Variants in HDAC1 observed in about 807,000 individuals in gnomAD.
The protein encoded by HDAC1 is protein deacetylase HDAC1.
Under a neutral mutation model 65.5 loss-of-function variants are expected in HDAC1, and 18 were observed. The observed-to-expected ratio is 0.27, with a 90% confidence interval of 0.19 to 0.41. HDAC1 has a LOEUF of 0.41. HDAC1 is among the 10% of genes least tolerant of loss of function. The pLI, the probability that HDAC1 is intolerant of heterozygous loss-of-function variation, is 1.00. For synonymous variants in HDAC1, 211 were observed against 227.9 expected (o/e 0.93, Z 0.67); for missense variants, 373 against 625.2 (o/e 0.60, Z 4.30).
chr1:32,296,660 T>A (rs1640770905), intron 1 of HDAC1, among the ~76,000 whole-genome samples: 1 of 152,186 alleles, frequency 6.6e-6, no homozygotes. Context: ...TTTACAGGCG[T>A]GAGCCATCAT....
At chr1:32,326,911 G>A in intron 4 of HDAC1, 28 bp from the exon 5 acceptor site, 1 of 1,612,706 alleles carries the variant, frequency 6.2e-7, no homozygotes, top group Non-Finnish European at 8.5e-7. Flanking sequence ...CTTAGTAACA[G>A]GCTTATGTTC....
rs779593533 is a variant in HDAC1, at chr1:32,331,602, A to G, written c.1088+20A>G. 2 of 1,610,698 alleles carry G rather than the reference A, an allele frequency of 1.2e-6. No individual in the cohort carries two copies. The highest frequency in any genetic ancestry group is 1.7e-6 in the Non-Finnish European group (2 of 1,176,996). ...GATCAAGTGAGTATATCCTCCAGCCACCCCTTGGTTGAACATTCCTGACTT... is the reference window on the plus strand; with the variant it reads ...GATCAAGTGAGTATATCCTCCAGCCGCCCCTTGGTTGAACATTCCTGACTT... On this transcript the variant is annotated intron_variant, in intron 10 of 13. Coordinates refer to ENST00000373548, the MANE Select transcript of HDAC1 (RefSeq NM_004964.3). This position sits in a 1 kb window ranked among gnomAD's most constrained non-coding sequence, Gnocchi z 4.2.
intron 1 of HDAC1, among the ~76,000 whole-genome samples, chr1:32,296,891 T>C (rs1394792110): frequency 6.6e-6 from 1 of 152,162 alleles, no homozygotes. Flanking sequence ...GGAGCCCAGC[T>C]AGAGACACTA....
intron 2 of HDAC1, among the ~76,000 whole-genome samples, chr1:32,314,626 A>T (rs1641033893): frequency 6.6e-6 from 1 of 152,012 alleles, no homozygotes; most frequent in African/African-American, 2.4e-5. Flanking sequence ...GGAGATCGAG[A>T]CCATCCTGGC....
Position 32,331,934 on chromosome 1 carries a change from C to T in HDAC1, c.1219+128C>T. The T allele has an allele frequency of 7.1e-7, 1 of 1,409,654 alleles. No individual in the cohort carries two copies. The highest frequency in any genetic ancestry group is 9.6e-7 in the Non-Finnish European group (1 of 1,042,428). The allele number at this position is 1,409,654 out of a possible 1,614,324, so 87.3% of individuals were successfully genotyped here. The stretch of plus-strand genomic sequence containing the variant: ...AGAAATCTGTTTTCGAGTTCCAGTG[C>T]CTGTAGGAACAGGTTAGGGAGCCCG... On this transcript the variant is annotated intron_variant, in intron 11 of 13. Coordinates refer to ENST00000373548, the MANE Select transcript of HDAC1 (RefSeq NM_004964.3). The surrounding 1 kb of genome is among the most constrained non-coding windows in gnomAD (Gnocchi z 4.2).
At chr1:32,328,955 T>A (rs1015561922) in intron 6 of HDAC1, 113 bp from the exon 7 acceptor site, 12 of 755,450 alleles carry the variant, frequency 1.6e-5, no homozygotes, top group Non-Finnish European at 2.9e-5. Context: ...CTGGCCCACA[T>A]CATGGGCCTA....
rs1641328883 is a variant in HDAC1 at position 32,333,525 on chromosome 1, T to C, written c.*481T>C. On this transcript the variant is annotated 3_prime_UTR_variant, in exon 14 of 14. Coordinates refer to ENST00000373548, the MANE Select transcript of HDAC1 (RefSeq NM_004964.3). ...AAACACTGCCTGCCCTCTGTCTGTC[T>C]TCTCCTAATTCTGCAGGTGGAGGTT... The C allele has an allele frequency of 1.3e-5, 2 of 152,850 alleles. No homozygotes were observed. The highest frequency in any genetic ancestry group is 1.3e-4 in the Admixed American group (2 of 15,324). 9.5% of individuals were successfully genotyped at this position (152,850 alleles called of 1,614,324 possible).
In HDAC1 at chr1:32,298,276, C is replaced by T. The variant is rs554763294; in HGVS notation, c.50-4345C>T. Among the ~76,000 whole-genome samples, 23 of 151,544 alleles carry T rather than the reference C, an allele frequency of 1.5e-4. No homozygotes were observed. The South Asian group carries it at 2.5e-3, about 16-fold the overall frequency. On this transcript the variant is annotated intron_variant, in intron 1 of 13. Coordinates refer to ENST00000373548, the MANE Select transcript of HDAC1 (RefSeq NM_004964.3). ...GCTAATTTTGTATTTTTAGTAGAGA[C>T]GGGGTTTCTCCATGTTGGTCAGGCT...
chr1:32,297,507 CAT>C (rs1207279236), intron 1 of HDAC1, among the ~76,000 whole-genome samples: 2 of 152,110 alleles, frequency 1.3e-5, no homozygotes, highest in East Asian at 3.9e-4. Flanking sequence ...TGCAGTGACC[CAT>C]AATGGCACCA....
chr1:32,315,740 C>T (rs558570959), intron 2 of HDAC1, among the ~76,000 whole-genome samples: 92 of 149,998 alleles, frequency 6.1e-4, no homozygotes, highest in Non-Finnish European at 1.1e-3. Context: ...CCGAGGAGGG[C>T]GGATCACCTG....
At chr1:32,293,586 G>A (rs1284092504) in intron 1 of HDAC1, among the ~76,000 whole-genome samples, 1 of 151,888 alleles carries the variant, frequency 6.6e-6, no homozygotes, top group Non-Finnish European at 1.5e-5. Flanking sequence ...TGGCCAACAC[G>A]GTGAAACCCC....
intron 2 of HDAC1, among the ~76,000 whole-genome samples, chr1:32,310,725 C>T (rs1165082527): frequency 1.3e-5 from 2 of 151,814 alleles, no homozygotes; most frequent in Non-Finnish European, 2.9e-5. Flanking sequence ...TGGTGGGAGC[C>T]TGTAATCCCA....
chr1:32,318,178 ACCTCAGGTGATATGCCAGCCTCGGCTT>A, intron 3 of HDAC1, among the ~76,000 whole-genome samples: 1 of 152,124 alleles, frequency 6.6e-6, no homozygotes, highest in South Asian at 2.1e-4. Flanking sequence ...CAAACTCCCG[ACCTCAGGTGATATGCCAGCCTCGGCTT>A]CCCCAAGTGC....
chr1:32,314,291 C>T (rs1466372587), intron 2 of HDAC1, among the ~76,000 whole-genome samples: 2 of 152,098 alleles, frequency 1.3e-5, no homozygotes. Context: ...TCCCTGGGCT[C>T]AGGTGATCCT....
intron 2 of HDAC1, 88 bp downstream of exon 2, chr1:32,302,821 A>G: frequency 1.4e-6 from 1 of 724,302 alleles, no homozygotes; most frequent in South Asian, 1.4e-5. Flanking sequence ...TCCACCACTC[A>G]TTCACTCATT....
intron 2 of HDAC1, among the ~76,000 whole-genome samples, chr1:32,314,213 A>G (rs1174887536): frequency 1.3e-5 from 2 of 152,096 alleles, no homozygotes; most frequent in Non-Finnish European, 2.9e-5. Context: ...ATTTTTTGAG[A>G]CGGGGTCTTG....
chr1:32,303,861 C>CA (rs1028027817), intron 2 of HDAC1, among the ~76,000 whole-genome samples: 9 of 150,524 alleles, frequency 6.0e-5, no homozygotes, highest in Middle Eastern at 3.2e-3. Flanking sequence ...GATTTTGTCT[C>CA]AAAAAAAAAG....
At chr1:32,312,420 G>T (rs1641002739) in intron 2 of HDAC1, among the ~76,000 whole-genome samples, 2 of 152,076 alleles carry the variant, frequency 1.3e-5, no homozygotes, top group African/African-American at 4.8e-5. Flanking sequence ...GAGTGCAGTG[G>T]CATGACCTAA....
Position 32,325,417 on chromosome 1 carries a change from C to CA in HDAC1, c.355+866dup, listed in dbSNP as rs146520555. On this transcript the variant is annotated intron_variant, in intron 4 of 13. Transcript: ENST00000373548. ...ACAAAGAAGTGCACAGAAAAAAACA[C>CA]AATCACCCACAGTCACAGGGTTGGT... 2.6e-3 allele frequency among the ~76,000 whole-genome samples: 401 copies of CA among 152,316 alleles called. 5 individuals are homozygous for CA. The highest frequency in any genetic ancestry group is 9.2e-3 in the African/African-American group (382 of 41,562).
Sources: allele counts gnomAD v4.1 joint callset (sites outside exome capture counted in the v4.1 genomes callset), GRCh38; gene constraint gnomAD v4.1.1; non-coding constraint Gnocchi (gnomAD v3.1); transcripts MANE v1.5; gene names NCBI Gene and HGNC (gene_info 2026-07-23, HGNC 2026-07-21).